PHF24: variants seen among roughly 807,000 people sequenced by gnomAD.
PHF24 encodes Galpha inhibitory interacting protein.
In PHF24, 25 loss-of-function variants were observed where a neutral mutation model predicts 42.6. The ratio of observed to expected loss-of-function variants is 0.59; its 90% CI spans 0.43 to 0.82. The LOEUF (loss-of-function observed/expected upper bound fraction) is 0.82. Ranked by LOEUF, PHF24 falls within the 40% of genes least tolerant of loss-of-function variation. PHF24 has a pLI of 0.00. For missense variants in PHF24, 470 were observed against 538.1 expected, an observed-to-expected ratio of 0.87 and a Z score of 1.25; for synonymous variants, 185 against 204.8, an observed-to-expected ratio of 0.90 and a Z score of 0.83.
chr9:34,802,529 T>C, the PHF24 span, among the ~76,000 whole-genome samples: 1 of 152,206 alleles, frequency 6.6e-6, no homozygotes, highest in Admixed American at 6.5e-5. Flanking sequence ...TTGTCAGTGT[T>C]TAAAAAAATA....
At chr9:34,977,388 C>A (rs757849348) in intron 6 of PHF24, 145 bp downstream of exon 6, 2 of 1,202,862 alleles carry the variant, frequency 1.7e-6, no homozygotes, top group Non-Finnish European at 2.4e-6. Context: ...GTGATGCCTA[C>A]GGGCCAGGGC....
the PHF24 span, among the ~76,000 whole-genome samples, chr9:34,866,551 T>TA: frequency 2.6e-5 from 4 of 151,974 alleles, no homozygotes; most frequent in African/African-American, 7.2e-5. Flanking sequence ...CCAGGGCCTA[T>TA]AAAAAAAATG....
At chr9:34,825,913 A>T in the PHF24 span, among the ~76,000 whole-genome samples, 1 of 152,120 alleles carries the variant, frequency 6.6e-6, no homozygotes, top group Non-Finnish European at 1.5e-5. Flanking sequence ...CCCATGGGTC[A>T]GTCTGCCTGC....
At chr9:34,817,271 G>A in the PHF24 span, among the ~76,000 whole-genome samples, 3 of 152,014 alleles carry the variant, frequency 2.0e-5, no homozygotes, top group African/African-American at 7.2e-5. Flanking sequence ...CAGAGACAGG[G>A]TCTTACTTTG....
chr9:34,848,685 G>A, the PHF24 span, among the ~76,000 whole-genome samples: 1 of 151,340 alleles, frequency 6.6e-6, no homozygotes, highest in Non-Finnish European at 1.5e-5. Context: ...TCTTGTAATT[G>A]TGATATTAGG....
chr9:34,682,134 C>T, the PHF24 span, among the ~76,000 whole-genome samples: 1 of 151,556 alleles, frequency 6.6e-6, no homozygotes, highest in Admixed American at 6.6e-5. Context: ...GCCACCACAC[C>T]CGGCTAATTA....
At chr9:34,866,607 C>T in the PHF24 span, among the ~76,000 whole-genome samples, 7 of 152,144 alleles carry the variant, frequency 4.6e-5, no homozygotes, top group South Asian at 4.1e-4. Flanking sequence ...ATCTAGGTGG[C>T]ATCAACCCTA....
chr9:34,858,921 C>G, the PHF24 span, among the ~76,000 whole-genome samples: 2 of 152,126 alleles, frequency 1.3e-5, no homozygotes, highest in Non-Finnish European at 2.9e-5. Context: ...AGCTACCTCT[C>G]TCACACTCTG....
the PHF24 span, among the ~76,000 whole-genome samples, chr9:34,888,087 T>A: frequency 6.6e-6 from 1 of 152,164 alleles, no homozygotes; most frequent in Non-Finnish European, 1.5e-5. Flanking sequence ...CTGTTCATGT[T>A]GTACTCTCAG....
At chr9:34,763,077 A>G in the PHF24 span, among the ~76,000 whole-genome samples, 2 of 152,192 alleles carry the variant, frequency 1.3e-5, no homozygotes, top group African/African-American at 2.4e-5. Context: ...TGGTACCAGT[A>G]CCATGCTGTT....
the PHF24 span, among the ~76,000 whole-genome samples, chr9:34,851,880 A>T: frequency 6.6e-6 from 1 of 152,254 alleles, no homozygotes; most frequent in African/African-American, 2.4e-5. Context: ...CATACTAAGG[A>T]TATAAATGAT....
the PHF24 span, among the ~76,000 whole-genome samples, chr9:34,885,553 A>G: frequency 6.6e-6 from 1 of 152,244 alleles, no homozygotes; most frequent in East Asian, 1.9e-4. Context: ...CCTCTGAGGA[A>G]TATCAGGTGG....
chr9:34,669,288 A>G, the PHF24 span, among the ~76,000 whole-genome samples: 2 of 152,076 alleles, frequency 1.3e-5, no homozygotes, highest in Non-Finnish European at 2.9e-5. Context: ...GATTCACAAC[A>G]TGAACTCAGC....
chr9:34,707,445 A>G, the PHF24 span, among the ~76,000 whole-genome samples: 1 of 152,234 alleles, frequency 6.6e-6, no homozygotes, highest in African/African-American at 2.4e-5. Context: ...ACTCTAGTGC[A>G]GTAGCTTGGA....
At chr9:34,939,316 A>G in the PHF24 span, among the ~76,000 whole-genome samples, 1 of 152,210 alleles carries the variant, frequency 6.6e-6, no homozygotes, top group Admixed American at 6.5e-5. Context: ...GTAAATTTAT[A>G]CCTATGTGTC....
At chr9:34,893,942 C>A in the PHF24 span, among the ~76,000 whole-genome samples, 1 of 152,148 alleles carries the variant, frequency 6.6e-6, no homozygotes, top group African/African-American at 2.4e-5. Flanking sequence ...TACTCAATAT[C>A]TTTTGGGAAT....
chr9:34,974,408 G>T (rs1827113717), intron 3 of PHF24, among the ~76,000 whole-genome samples: 1 of 152,004 alleles, frequency 6.6e-6, no homozygotes, highest in Non-Finnish European at 1.5e-5. Context: ...ATTTTTATGA[G>T]AATTATTGCA....
chr9:34,817,371 A>T, the PHF24 span, among the ~76,000 whole-genome samples: 1 of 152,080 alleles, frequency 6.6e-6, no homozygotes, highest in African/African-American at 2.4e-5. Context: ...CAGTCTCCCA[A>T]GTAGCTGGGA....
the PHF24 span, chr9:34,709,592 T>C: frequency 1.2e-6 from 2 of 1,614,152 alleles, no homozygotes; most frequent in Non-Finnish European, 1.7e-6. Context: ...GTGGGGATGG[T>C]GTCTTGTCCA....
Sources: gnomAD v4.1 joint callset for allele counts (sites outside exome capture counted in the v4.1 genomes callset) on GRCh38, gnomAD v4.1.1 for gene constraint, MANE v1.5 for transcripts, NCBI Gene and HGNC (gene_info 2026-07-23, HGNC 2026-07-21) for gene names.